The following GALNT13 variants were observed in gnomAD, a reference collection of about 807,000 sequenced individuals.
The protein encoded by GALNT13 is polypeptide N-acetylgalactosaminyltransferase 13, also known as UDP-GalNAc:polypeptide N-acetylgalactosaminyltransferase 13.
A neutral mutation model predicts 64.2 loss-of-function variants in GALNT13; 28 were observed. That is an observed-to-expected ratio of 0.44 (90% CI 0.32 to 0.60). GALNT13 has a LOEUF of 0.60. Ranked by LOEUF, GALNT13 falls within the 20% of genes least tolerant of loss-of-function variation. The pLI, the probability that GALNT13 is intolerant of heterozygous loss-of-function variation, is 0.05. For missense variants in GALNT13, 577 were observed against 669.8 expected, an observed-to-expected ratio of 0.86 and a Z score of 1.53; for synonymous variants, 214 against 224.6, an observed-to-expected ratio of 0.95 and a Z score of 0.42.
chr2:153,658,621 A>G, the GALNT13 span, among the ~76,000 whole-genome samples: 1 of 152,180 alleles, frequency 6.6e-6, no homozygotes, highest in South Asian at 2.1e-4. Flanking sequence ...CTTATGATTA[A>G]GTACAAGAGT....
chr2:153,737,236 C>G, the GALNT13 span, among the ~76,000 whole-genome samples: 1 of 152,160 alleles, frequency 6.6e-6, no homozygotes, highest in Non-Finnish European at 1.5e-5. Context: ...TCAGGAAAGT[C>G]AGAACCTAAG....
the GALNT13 span, among the ~76,000 whole-genome samples, chr2:153,348,209 C>A: frequency 1.3e-5 from 2 of 152,184 alleles, no homozygotes; most frequent in African/African-American, 4.8e-5. Context: ...GCAAATCCAC[C>A]ACCAGACGTG....
At chr2:154,324,332 A>C (rs1376913922) in intron 9 of GALNT13, among the ~76,000 whole-genome samples, 1 of 152,090 alleles carries the variant, frequency 6.6e-6, no homozygotes, top group African/African-American at 2.4e-5. Flanking sequence ...TAATTTTAAA[A>C]TTACATGCAA....
the GALNT13 span, among the ~76,000 whole-genome samples, chr2:153,292,313 TG>T: frequency 6.6e-6 from 1 of 152,190 alleles, no homozygotes; most frequent in African/African-American, 2.4e-5. Context: ...TCTGTAATTT[TG>T]TTTTAAAGTA....
At chr2:153,104,703 A>G in the GALNT13 span, among the ~76,000 whole-genome samples, 3 of 152,154 alleles carry the variant, frequency 2.0e-5, no homozygotes, top group African/African-American at 7.2e-5. Flanking sequence ...TAGATATATA[A>G]ACATGTAAGG....
intron 4 of GALNT13, among the ~76,000 whole-genome samples, chr2:154,238,203 T>C (rs750763537): frequency 6.6e-6 from 1 of 151,696 alleles, no homozygotes; most frequent in African/African-American, 2.4e-5. Flanking sequence ...TGACACTGTT[T>C]TAGATTTCTT....
chr2:153,070,597 C>G, the GALNT13 span, among the ~76,000 whole-genome samples: 11 of 152,028 alleles, frequency 7.2e-5, no homozygotes, highest in African/African-American at 2.7e-4. Flanking sequence ...TATACTTTCT[C>G]CTCGATTTTT....
chr2:153,163,628 C>T, the GALNT13 span, among the ~76,000 whole-genome samples: 1 of 151,986 alleles, frequency 6.6e-6, no homozygotes. Flanking sequence ...GAATAAGTCT[C>T]CAAAGCATAG....
At chr2:153,359,207 G>A in the GALNT13 span, among the ~76,000 whole-genome samples, 12 of 151,906 alleles carry the variant, frequency 7.9e-5, no homozygotes, top group South Asian at 2.1e-4. Flanking sequence ...AGTTTATATC[G>A]AACTGGAATT....
At chr2:153,536,326 TG>T in the GALNT13 span, among the ~76,000 whole-genome samples, 2 of 152,336 alleles carry the variant, frequency 1.3e-5, no homozygotes, top group South Asian at 4.1e-4. Flanking sequence ...ATCCCAGTGC[TG>T]GTTCTCACAA....
the GALNT13 span, among the ~76,000 whole-genome samples, chr2:153,289,589 A>G: frequency 6.6e-6 from 1 of 152,174 alleles, no homozygotes; most frequent in Non-Finnish European, 1.5e-5. Flanking sequence ...GTCCACTCTC[A>G]TCTTATGGGA....
the GALNT13 span, among the ~76,000 whole-genome samples, chr2:153,230,142 G>A: frequency 3.9e-5 from 6 of 152,332 alleles, no homozygotes; most frequent in South Asian, 2.1e-4. Flanking sequence ...GCAATAAATT[G>A]TCTGGCCTGC....
chr2:154,398,964 G>A (rs1699177738), intron 10 of GALNT13, among the ~76,000 whole-genome samples: 1 of 152,152 alleles, frequency 6.6e-6, no homozygotes, highest in Non-Finnish European at 1.5e-5. Context: ...CACACAGAAA[G>A]TTTATGTGCT....
chr2:153,453,063 A>G, the GALNT13 span, among the ~76,000 whole-genome samples: 2 of 152,230 alleles, frequency 1.3e-5, no homozygotes, highest in African/African-American at 2.4e-5. Context: ...CTGGCTAGCC[A>G]TATGCAGAAG....
At chr2:153,836,489 T>C in the GALNT13 span, among the ~76,000 whole-genome samples, 1 of 151,892 alleles carries the variant, frequency 6.6e-6, no homozygotes, top group East Asian at 1.9e-4. Flanking sequence ...TCCCATAACC[T>C]GGCAACCATT....
the GALNT13 span, among the ~76,000 whole-genome samples, chr2:153,151,273 A>G: frequency 6.6e-6 from 1 of 152,130 alleles, no homozygotes; most frequent in Non-Finnish European, 1.5e-5. Context: ...AATCAAAACC[A>G]CAATGAGATA....
chr2:153,459,241 A>G, the GALNT13 span, among the ~76,000 whole-genome samples: 1 of 152,188 alleles, frequency 6.6e-6, no homozygotes, highest in African/African-American at 2.4e-5. Flanking sequence ...CAAAAAAATT[A>G]AGGATAGAAA....
Position 154,363,570 on chromosome 2 carries a change from A to T in GALNT13, c.1157-32421A>T, listed in dbSNP as rs115815014. Reference sequence around the variant, plus strand: ...TGAAAGAAAATTAAACCACATTCTAAAATATGAAAAAAAGCAAAGAACAGT... The same window carrying T: ...TGAAAGAAAATTAAACCACATTCTATAATATGAAAAAAAGCAAAGAACAGT... On this transcript the variant is annotated intron_variant, in intron 9 of 12. Transcript: ENST00000392825. Among the ~76,000 whole-genome samples the T allele has an allele frequency of 5.6e-3, 859 of 152,266 alleles. 2 individuals are homozygous for T. Among genetic ancestry groups the T allele is most frequent in the Middle Eastern group, 0.024 (7 of 294 alleles).
chr2:153,450,577 A>T, the GALNT13 span, among the ~76,000 whole-genome samples: 3 of 147,090 alleles, frequency 2.0e-5, no homozygotes, highest in South Asian at 4.3e-4. Context: ...CTAGGTTTGA[A>T]TTTTTTTTTT....
Sources: gnomAD v4.1 joint callset for allele counts (sites outside exome capture counted in the v4.1 genomes callset) on GRCh38, gnomAD v4.1.1 for gene constraint, MANE v1.5 for transcripts, NCBI Gene and HGNC (gene_info 2026-07-23, HGNC 2026-07-21) for gene names.